Variants in AK7 observed in about 807,000 individuals in gnomAD.
AK7 encodes the protein ATP-AMP transphosphorylase 7.
In AK7, 78 loss-of-function variants were observed where a neutral mutation model predicts 96.6. That is an observed-to-expected ratio of 0.81 (90% CI 0.67 to 0.97). The LOEUF is 0.97. Among genes scored for constraint, AK7 ranks in the 50% least tolerant of loss-of-function variants. AK7 has a pLI of 0.00. For missense variants in AK7, 855 were observed against 887.9 expected, an observed-to-expected ratio of 0.96 and a Z score of 0.47; for synonymous variants, 302 against 317.2, an observed-to-expected ratio of 0.95 and a Z score of 0.51.
At chr14:96,453,939 A>T (rs891111904) in intron 10 of AK7, among the ~76,000 whole-genome samples, 1 of 152,104 alleles carries the variant, frequency 6.6e-6, no homozygotes, top group Non-Finnish European at 1.5e-5. Context: ...GTCAGGACTC[A>T]GTTCCAGAAC....
At chr14:96,448,830 C>A (rs992203701) in intron 8 of AK7, among the ~76,000 whole-genome samples, 1 of 151,812 alleles carries the variant, frequency 6.6e-6, no homozygotes, top group African/African-American at 2.4e-5. Context: ...GTGATGCACG[C>A]CTATAATGCC....
chr14:96,456,616 T>C, intron 11 of AK7, 141 bp downstream of exon 11: 2 of 927,518 alleles, frequency 2.2e-6, no homozygotes, highest in Admixed American at 4.5e-5. Flanking sequence ...CAAGGTGTCC[T>C]AATCAGTAGC....
chr14:96,458,138 A>C lies in AK7; in HGVS notation c.1283A>C (p.Glu428Ala). 1 of 1,614,028 alleles carries C rather than the reference A, an allele frequency of 6.2e-7. No homozygotes were observed. Among genetic ancestry groups the C allele is most frequent in the Non-Finnish European group, 8.5e-7 (1 of 1,179,964 alleles). The change falls in exon 12 of 18, where the codon GAA (glutamate) becomes GCA (alanine). Residue 428 changes from glutamate to alanine, a missense_variant. Physicochemically the swap from Glu to Ala is moderately radical, Grantham distance 107. Transcript: ENST00000267584. ...GAAGGAGAAGAAGAAGTCGAAGAGG[A>C]AGAGGAGGAGGAGAATGTGGAAGAT... ...VGEGEEEVEE[E>A]EEEENVEDAQ...
Position 96,488,795 on chromosome 14 carries a change from A to G in AK7, c.*452A>G, listed in dbSNP as rs1224799047. 6.6e-6 allele frequency: 1 copy of G among 151,042 alleles called. No individual in the cohort carries two copies. Among genetic ancestry groups the G allele is most frequent in the Non-Finnish European group, 1.5e-5 (1 of 68,064 alleles). The allele number at this position is 151,042 out of a possible 1,614,324, so 9.4% of individuals were successfully genotyped here. A position where few individuals can be genotyped will look rare whatever the true frequency, so the allele number is the denominator to read the frequency against. The stretch of plus-strand genomic sequence containing the variant: ...ATTTATGCCTGTTGACTCACAGTAA[A>G]TCAGACAAGATTGGTGCCTGTAAGG... On this transcript the variant is annotated 3_prime_UTR_variant, in exon 18 of 18. Transcript: ENST00000267584.
chr14:96,472,866 G>C, intron 14 of AK7, 111 bp downstream of exon 14: 1 of 756,884 alleles, frequency 1.3e-6, no homozygotes, highest in South Asian at 1.6e-5. Context: ...TGGATCACCT[G>C]AGGTCAGGAG....
Position 96,486,979 on chromosome 14 carries a change from A to C in AK7, c.2056A>C (p.Thr686Pro), listed in dbSNP as rs1185043095. 6.2e-7 allele frequency: 1 copy of C among 1,613,860 alleles called. No individual in the cohort carries two copies. The highest frequency in any genetic ancestry group is 1.3e-5 in the African/African-American group (1 of 74,890). ...QSIPLRNYLM[T>P]YVMPTLIQGL... ...AATTCCCCTGAGAAACTATTTAATGACCTATGTGATGCCAACTCTTATTCA... is the reference window on the plus strand; with the variant it reads ...AATTCCCCTGAGAAACTATTTAATGCCCTATGTGATGCCAACTCTTATTCA... Residue 686 changes from threonine (T) to proline (P), a missense_variant, in exon 17 of 18, where the codon ACC becomes CCC. Transcript: ENST00000267584.
chr14:96,415,997 G>A (rs1418725105), intron 4 of AK7, among the ~76,000 whole-genome samples: 2 of 152,064 alleles, frequency 1.3e-5, no homozygotes, highest in Non-Finnish European at 2.9e-5. Flanking sequence ...CAGAACAAGG[G>A]CCGACGGGCT....
At chr14:96,469,242 C>T (rs536566805) in intron 12 of AK7, among the ~76,000 whole-genome samples, 160 of 152,244 alleles carry the variant, frequency 1.1e-3, no homozygotes, top group African/African-American at 3.7e-3. Context: ...AGACTTAGGC[C>T]GGGGGCGGCG....
intron 4 of AK7, among the ~76,000 whole-genome samples, chr14:96,410,367 G>A (rs1015405863): frequency 3.9e-5 from 6 of 152,144 alleles, no homozygotes; most frequent in East Asian, 1.9e-4. Context: ...GCTAGCTTCC[G>A]GACTGATTGT....
intron 2 of AK7, among the ~76,000 whole-genome samples, chr14:96,402,516 T>C (rs971747902): frequency 1.3e-5 from 2 of 152,226 alleles, no homozygotes; most frequent in African/African-American, 4.8e-5. Flanking sequence ...ATACACATCT[T>C]TGAGTCCTCG....
chr14:96,437,844 T>C lies in AK7; in HGVS notation c.619T>C (p.Phe207Leu), dbSNP rs1211642505. 6 of 1,608,450 alleles carry C rather than the reference T, an allele frequency of 3.7e-6. No homozygotes were observed. Among genetic ancestry groups the C allele is most frequent in the Non-Finnish European group, 5.1e-6 (6 of 1,177,752 alleles). The change falls in exon 6 of 18, where the codon TTT (phenylalanine) becomes CTT (leucine). Residue 207 changes from phenylalanine to leucine, a missense_variant. Phe to Leu is a conservative substitution (Grantham distance 22). Transcript: ENST00000267584. ...GTATTTTATCTAATAGGCCAGAAAA[T>C]TTGCAGCATACGTAGTTGCTGCTGG... ...VLKFGKKARK[F>L]AAYVVAAGLQ...
intron 1 of AK7, among the ~76,000 whole-genome samples, chr14:96,396,877 G>A (rs945670408): frequency 6.6e-6 from 1 of 152,152 alleles, no homozygotes; most frequent in Non-Finnish European, 1.5e-5. Flanking sequence ...TTTAAATGTG[G>A]TTAGTCCACA....
intron 12 of AK7, among the ~76,000 whole-genome samples, chr14:96,458,529 G>A (rs1894065690): frequency 6.6e-6 from 1 of 151,954 alleles, no homozygotes; most frequent in Non-Finnish European, 1.5e-5. Context: ...ATCACCTGAG[G>A]TCATGAGTTT....
chr14:96,475,714 G>A (rs2140163990), intron 14 of AK7, among the ~76,000 whole-genome samples: 1 of 152,308 alleles, frequency 6.6e-6, no homozygotes, highest in Middle Eastern at 3.4e-3. Context: ...GCTCACGCCT[G>A]CAATTCCAGC....
At chr14:96,465,582 A>T (rs1013025485) in intron 12 of AK7, among the ~76,000 whole-genome samples, 1 of 152,228 alleles carries the variant, frequency 6.6e-6, no homozygotes, top group Non-Finnish European at 1.5e-5. Flanking sequence ...TTATCAATAC[A>T]CTAAAAGTAG....
chr14:96,483,999 G>T (rs1182256976), intron 16 of AK7, among the ~76,000 whole-genome samples: 1 of 152,018 alleles, frequency 6.6e-6, no homozygotes, highest in African/African-American at 2.4e-5. Flanking sequence ...GGAGGGTGAG[G>T]CTGGAGAATC....
intron 10 of AK7, among the ~76,000 whole-genome samples, chr14:96,452,728 G>A (rs982149807): frequency 5.3e-5 from 8 of 151,702 alleles, no homozygotes; most frequent in East Asian, 3.9e-4. Flanking sequence ...GCAGGATCTC[G>A]GCTCACTGCA....
chr14:96,449,979 T>A, intron 9 of AK7, 100 bp downstream of exon 9: 1 of 944,802 alleles, frequency 1.1e-6, no homozygotes, highest in Non-Finnish European at 1.6e-6. Flanking sequence ...TAAATAACAT[T>A]GATCTGTGAG....
chr14:96,455,873 G>A (rs1472292903), intron 10 of AK7, among the ~76,000 whole-genome samples: 2 of 152,104 alleles, frequency 1.3e-5, no homozygotes, highest in Non-Finnish European at 1.5e-5. Context: ...GGTGGTGGGG[G>A]TAGAGGCGTG....
Sources: gnomAD v4.1 joint callset for allele counts (sites outside exome capture counted in the v4.1 genomes callset) on GRCh38, gnomAD v4.1.1 for gene constraint, MANE v1.5 for transcripts, NCBI Gene and HGNC (gene_info 2026-07-23, HGNC 2026-07-21) for gene names.